Variants in ZCWPW1 observed in about 807,000 individuals in gnomAD.
ZCWPW1 encodes the protein zinc finger CW-type and PWWP domain containing 1.
Under a neutral mutation model 81.3 loss-of-function variants are expected in ZCWPW1, and 56 were observed. The ratio of observed to expected loss-of-function variants is 0.69; its 90% CI spans 0.56 to 0.86. The LOEUF is 0.86. Among genes scored for constraint, ZCWPW1 ranks in the 40% least tolerant of loss-of-function variants. The probability of loss-of-function intolerance (pLI) is 0.00; values close to 1 mark genes in which losing one functional copy is unlikely to be tolerated. For missense variants in ZCWPW1, 650 were observed against 769.8 expected, an observed-to-expected ratio of 0.84 and a Z score of 1.84; for synonymous variants, 250 against 273.7, an observed-to-expected ratio of 0.91 and a Z score of 0.86.
chr7:100,401,431 C>T, intron 17 of ZCWPW1, 95 bp from the exon 18 acceptor site: 2 of 1,172,738 alleles, frequency 1.7e-6, no homozygotes, highest in Non-Finnish European at 2.3e-6. Context: ...TCCAAGAAAT[C>T]TCTGGAAAAG....
intron 6 of ZCWPW1, among the ~76,000 whole-genome samples, chr7:100,416,718 C>T (rs1050121850): frequency 6.6e-6 from 1 of 152,008 alleles, no homozygotes; most frequent in East Asian, 1.9e-4. Context: ...GAGGCCAAGG[C>T]GGGTGGATCA....
intron 8 of ZCWPW1, among the ~76,000 whole-genome samples, chr7:100,409,864 T>C (rs922021687): frequency 2.6e-5 from 4 of 152,216 alleles, no homozygotes; most frequent in African/African-American, 7.2e-5. Context: ...AGTTCTTAAA[T>C]TGAAAGGTTG....
At chr7:100,408,466 T>G in intron 10 of ZCWPW1, 73 bp downstream of exon 10, 1 of 1,563,528 alleles carries the variant, frequency 6.4e-7, no homozygotes, top group Non-Finnish European at 8.7e-7. Flanking sequence ...GTTTTCCATT[T>G]GCTTCCACCC....
intron 8 of ZCWPW1, among the ~76,000 whole-genome samples, chr7:100,412,914 G>T (rs1363768659): frequency 6.6e-6 from 1 of 151,896 alleles, no homozygotes; most frequent in South Asian, 2.1e-4. Flanking sequence ...TTGAGACAGG[G>T]TCTTGCTCTG....
At position 100,419,665 on chromosome 7, in the gene ZCWPW1, C is replaced by T. The variant is rs1563145894; in HGVS notation, c.247G>A (p.Ala83Thr). 4.3e-6 allele frequency: 7 copies of T among 1,612,496 alleles called. No homozygotes were observed. Among genetic ancestry groups the T allele is most frequent in the South Asian group, 1.1e-5 (1 of 90,798 alleles). ...PSREQEKKRK[A>T]QINKQAEKKE... ...TTCTCTGCTTGCTTGTTGATTTGTG[C>T]CTTTCTTTTTTTCTCCTGTTCCCTG... Residue 83 changes from alanine (A) to threonine (T), a missense_variant, in exon 4 of 18, where the codon GCA becomes ACA. Ala to Thr is a moderately conservative substitution (Grantham distance 58, BLOSUM62 0). Coordinates refer to ENST00000684423, the MANE Select transcript of ZCWPW1 (RefSeq NM_001386010.1).
intron 10 of ZCWPW1, among the ~76,000 whole-genome samples, chr7:100,408,070 C>T (rs1793429489): frequency 3.3e-5 from 5 of 152,306 alleles, no homozygotes; most frequent in South Asian, 2.1e-4. Flanking sequence ...TCTGCCTCAG[C>T]GTCCTGAGTA....
rs1368718245 is a variant in ZCWPW1, at chr7:100,419,720, CTCTT to C, written c.188_191del (p.Lys63ArgfsTer6). 2 of 1,613,778 alleles carry C rather than the reference CTCTT, an allele frequency of 1.2e-6. No homozygotes were observed. The highest frequency in any genetic ancestry group is 2.2e-5 in the East Asian group (1 of 44,880). ...GAACATTCTTCATGGTTGCTTTTTCCTCTTTCTTCTTTAAACTGGCCTTTGGCAG... is the reference window on the plus strand; with the variant it reads ...GAACATTCTTCATGGTTGCTTTTTCCTCTTCTTTAAACTGGCCTTTGGCAG... On this transcript the variant is annotated frameshift_variant, in exon 4 of 18. Transcript: ENST00000684423. LOFTEE classifies it high-confidence loss of function.
intron 9 of ZCWPW1, 123 bp downstream of exon 9, chr7:100,409,305 C>A (rs1793711666): frequency 1.3e-6 from 1 of 757,490 alleles, no homozygotes; most frequent in East Asian, 2.7e-5. Context: ...TCCTCTCTCC[C>A]AAGCACTACA....
chr7:100,428,669 G>A lies in ZCWPW1; in HGVS notation c.-238C>T, dbSNP rs3807475. Reference sequence around the variant, plus strand: ...GGAGACCGGGCGGCGCATCTCCCCGGGAAAACGGCGTAGACTCGCTTCTTC... The same window carrying A: ...GGAGACCGGGCGGCGCATCTCCCCGAGAAAACGGCGTAGACTCGCTTCTTC... On this transcript the variant is annotated 5_prime_UTR_variant, in exon 1 of 18. Coordinates refer to ENST00000684423, the MANE Select transcript of ZCWPW1 (RefSeq NM_001386010.1). 0.15 allele frequency: 22,376 copies of A among 152,262 alleles called. 1,690 individuals are homozygous for A. Among genetic ancestry groups the A allele is most frequent in the East Asian group, 0.16 (848 of 5,160 alleles). The allele number at this position is 152,262 out of a possible 1,614,324, so 9.4% of individuals were successfully genotyped here.
intron 8 of ZCWPW1, among the ~76,000 whole-genome samples, chr7:100,411,905 T>C (rs568182351): frequency 1.3e-5 from 2 of 152,308 alleles, no homozygotes; most frequent in African/African-American, 4.8e-5. Flanking sequence ...GATAATGTGC[T>C]CTGGAAAACT....
intron 6 of ZCWPW1, among the ~76,000 whole-genome samples, chr7:100,416,778 C>T (rs1441244326): frequency 1.3e-5 from 2 of 152,014 alleles, no homozygotes; most frequent in African/African-American, 4.8e-5. Context: ...AACCCCGTCT[C>T]TACTAAAAAG....
At chr7:100,406,936 A>G (rs1447461346) in intron 11 of ZCWPW1, 138 bp from the exon 12 acceptor site, 10 of 754,142 alleles carry the variant, frequency 1.3e-5, no homozygotes, top group Non-Finnish European at 1.9e-5. Flanking sequence ...AGCCTGACTC[A>G]TCTACCCTAC....
intron 8 of ZCWPW1, among the ~76,000 whole-genome samples, chr7:100,412,583 TTTTA>T (rs1268004926): frequency 1.3e-5 from 2 of 152,140 alleles, no homozygotes; most frequent in African/African-American, 2.4e-5. Context: ...TTTATTTTTT[TTTTA>T]TTTATTTTTT....
intron 8 of ZCWPW1, among the ~76,000 whole-genome samples, chr7:100,415,148 A>G (rs1477418517): frequency 7.4e-6 from 1 of 135,450 alleles, no homozygotes; most frequent in Non-Finnish European, 1.5e-5. Flanking sequence ...CAGTGGCACA[A>G]TCTTGGCTCA....
rs1457534688 is a variant in ZCWPW1 at position 100,401,886 on chromosome 7, T to C, written c.1627+3A>G. On this transcript the variant is annotated splice_donor_region_variant and intron_variant, in intron 17 of 17. Coordinates refer to ENST00000684423, the MANE Select transcript of ZCWPW1 (RefSeq NM_001386010.1). ...TTAGTTTTTCCCAGGCCTTGAGCCT[T>C]ACCTGGCTGGTCAGAATCTGAATTC... The C allele has an allele frequency of 6.2e-7, 1 of 1,610,760 alleles. No homozygotes were observed. Among genetic ancestry groups the C allele is most frequent in the East Asian group, 2.2e-5 (1 of 44,884 alleles).
At chr7:100,409,566 A>T (rs780345010) in intron 8 of ZCWPW1, 22 bp from the exon 9 acceptor site, 1 of 1,547,964 alleles carries the variant, frequency 6.5e-7, no homozygotes. Flanking sequence ...AAAAAATGAA[A>T]TAAGAGACTT....
intron 8 of ZCWPW1, among the ~76,000 whole-genome samples, chr7:100,410,255 C>T (rs1207713766): frequency 3.9e-5 from 6 of 152,132 alleles, no homozygotes; most frequent in Non-Finnish European, 7.4e-5. Context: ...TCCATTGACT[C>T]GAGCAACAAA....
intron 8 of ZCWPW1, 44 bp from the exon 9 acceptor site, chr7:100,409,588 C>T (rs780840336): frequency 2.8e-6 from 4 of 1,421,670 alleles, no homozygotes; most frequent in African/African-American, 2.8e-5. Context: ...AAAATATGCT[C>T]TTCCTTCTTT....
At chr7:100,426,774 C>T (rs1797461670) in intron 1 of ZCWPW1, among the ~76,000 whole-genome samples, 1 of 122,930 alleles carries the variant, frequency 8.1e-6, no homozygotes, top group African/African-American at 3.2e-5. Flanking sequence ...CTTCCTTGCC[C>T]TCCTCCCTTT....
Sources: allele counts gnomAD v4.1 joint callset (sites outside exome capture counted in the v4.1 genomes callset), GRCh38; gene constraint gnomAD v4.1.1; transcripts MANE v1.5; gene names NCBI Gene and HGNC (gene_info 2026-07-23, HGNC 2026-07-21).